PTPN14: variants seen among roughly 807,000 people sequenced by gnomAD.
The protein encoded by PTPN14 is tyrosine-protein phosphatase non-receptor type 14.
PTPN14 carries 53 observed loss-of-function variants against 126.8 expected under a neutral mutation model. The ratio of observed to expected loss-of-function variants is 0.42; its 90% CI spans 0.34 to 0.53. The LOEUF (loss-of-function observed/expected upper bound fraction) is 0.53. Among genes scored for constraint, PTPN14 ranks in the 20% least tolerant of loss-of-function variants. PTPN14 has a pLI of 0.08. For synonymous variants in PTPN14, 630 were observed against 599.3 expected, an observed-to-expected ratio of 1.05 and a Z score of -0.75; for missense variants, 1,257 against 1,552.9, an observed-to-expected ratio of 0.81 and a Z score of 3.20.
At chr1:214,547,159 T>G (rs529760210) in intron 1 of PTPN14, among the ~76,000 whole-genome samples, 2 of 152,312 alleles carry the variant, frequency 1.3e-5, no homozygotes, top group East Asian at 3.9e-4. Flanking sequence ...TTTATTTTCA[T>G]AATCAGCATG....
At chr1:214,489,407 G>A (rs1661183172) in intron 1 of PTPN14, among the ~76,000 whole-genome samples, 1 of 152,122 alleles carries the variant, frequency 6.6e-6, no homozygotes, top group Non-Finnish European at 1.5e-5. Flanking sequence ...CAAAGAGCAG[G>A]AACCATGGAA....
At chr1:214,407,909 G>C (rs1287064905) in intron 5 of PTPN14, among the ~76,000 whole-genome samples, 1 of 152,146 alleles carries the variant, frequency 6.6e-6, no homozygotes, top group East Asian at 1.9e-4. Context: ...GAAGTTTCCA[G>C]TCTCATCTGC....
chr1:214,385,585 T>G (rs1405502336), intron 12 of PTPN14, among the ~76,000 whole-genome samples: 1 of 149,962 alleles, frequency 6.7e-6, no homozygotes, highest in East Asian at 1.9e-4. Context: ...GTGTCTGGTG[T>G]TCTCTTACAC....
intron 1 of PTPN14, chr1:214,533,368 A>G: frequency 2.1e-6 from 1 of 469,656 alleles, no homozygotes; most frequent in Non-Finnish European, 4.0e-6. Flanking sequence ...TTGGTGATGG[A>G]CAGCAGCAAC....
chr1:214,489,139 A>T (rs7528800), intron 1 of PTPN14, among the ~76,000 whole-genome samples: 139,234 of 152,240 alleles, frequency 0.91, 63,785 homozygotes, highest in African/African-American at 0.97. Context: ...GCAGCTTCAA[A>T]GGACTGAGCA....
At chr1:214,452,085 T>TAC in intron 2 of PTPN14, 111 bp from the exon 3 acceptor site, 1 of 1,225,868 alleles carries the variant, frequency 8.2e-7, no homozygotes, top group Non-Finnish European at 1.1e-6. Context: ...CCCCAGCCCA[T>TAC]ATATAAGATC....
At chr1:214,410,820 T>C (rs1659291192) in intron 5 of PTPN14, among the ~76,000 whole-genome samples, 1 of 151,944 alleles carries the variant, frequency 6.6e-6, no homozygotes, top group African/African-American at 2.4e-5. Context: ...TTGTGCCTAT[T>C]TTTTTGCTAG....
chr1:214,405,328 T>C (rs1659140014), intron 5 of PTPN14, among the ~76,000 whole-genome samples: 1 of 152,198 alleles, frequency 6.6e-6, no homozygotes, highest in African/African-American at 2.4e-5. Flanking sequence ...TGTATACTCG[T>C]CTTATCCTTG....
chr1:214,393,155 A>T (rs1237578619), intron 10 of PTPN14, among the ~76,000 whole-genome samples: 1 of 152,218 alleles, frequency 6.6e-6, no homozygotes, highest in Admixed American at 6.5e-5. Flanking sequence ...TTAAAAAAAT[A>T]CACACGGATT....
rs907409830 is a variant in PTPN14 at position 214,350,972 on chromosome 1, G to A, written c.*6950C>T. ...TTTAAGGCAATGATTCTCTGACGAG[G>A]ATTAACTCTTACATCTGGGTTGCAC... On this transcript the variant is annotated 3_prime_UTR_variant, in exon 19 of 19. Transcript: ENST00000366956. The A allele has an allele frequency of 6.6e-6, 1 of 151,876 alleles. No individual in the cohort carries two copies. 9.4% of individuals were successfully genotyped at this position (151,876 alleles called of 1,614,324 possible).
At chr1:214,375,122 C>T (rs1235660652) in intron 15 of PTPN14, among the ~76,000 whole-genome samples, 2 of 152,068 alleles carry the variant, frequency 1.3e-5, no homozygotes, top group East Asian at 3.8e-4. Context: ...TTTGACAGTA[C>T]TTTCTAATTA....
chr1:214,434,609 T>C (rs1459421802), intron 3 of PTPN14, among the ~76,000 whole-genome samples: 2 of 152,144 alleles, frequency 1.3e-5, no homozygotes, highest in Admixed American at 6.5e-5. Context: ...TAATTTTTAA[T>C]ATAGAAAAAG....
intron 18 of PTPN14, among the ~76,000 whole-genome samples, chr1:214,361,335 A>ATCC (rs1297480808): frequency 3.3e-5 from 5 of 151,838 alleles, no homozygotes; most frequent in African/African-American, 7.3e-5. Flanking sequence ...CCACCACCAC[A>ATCC]TCCTCCTCCT....
rs114781725 is a variant in PTPN14 at position 214,499,086 on chromosome 1, G to C, written c.-154-34129C>G. ...TCCCAAAGTACTGGGATAAGAGATA[G>C]TAGCCATCACACCTGGCGGCCCACA... is the stretch of plus-strand genomic sequence containing the variant. On this transcript the variant is annotated intron_variant, in intron 1 of 18. Coordinates refer to ENST00000366956, the MANE Select transcript of PTPN14 (RefSeq NM_005401.5). Among the ~76,000 whole-genome samples the C allele has an allele frequency of 4.9e-4, 74 of 152,198 alleles. 1 individual carries two copies. Among genetic ancestry groups the C allele is most frequent in the African/African-American group, 1.8e-3 (73 of 41,516 alleles).
At chr1:214,526,843 G>A (rs1005879816) in intron 1 of PTPN14, among the ~76,000 whole-genome samples, 1 of 152,222 alleles carries the variant, frequency 6.6e-6, no homozygotes, top group Non-Finnish European at 1.5e-5. Flanking sequence ...TGTAATCCCA[G>A]CACTTTCGGA....
In PTPN14 at chr1:214,411,624, A is replaced by G. The variant is rs1659311144; in HGVS notation, c.510+60T>C. ...TGTAAAATCCTGAAATTTTCAAAGG[A>G]AAGAACTAAATGTCCAAAGAAGGTA... On this transcript the variant is annotated intron_variant, in intron 5 of 18. Coordinates refer to ENST00000366956, the MANE Select transcript of PTPN14 (RefSeq NM_005401.5). 4 of 1,265,202 alleles carry G rather than the reference A, an allele frequency of 3.2e-6. No homozygotes were observed. In the South Asian group the frequency reaches 5.5e-5, roughly 18 times the overall value. The allele number at this position is 1,265,202 out of a possible 1,614,324, so 78.4% of individuals were successfully genotyped here. A position where few individuals can be genotyped will look rare whatever the true frequency, so the allele number is the denominator to read the frequency against.
intron 3 of PTPN14, among the ~76,000 whole-genome samples, chr1:214,426,707 C>T (rs1439472307): frequency 3.3e-5 from 5 of 152,146 alleles, no homozygotes; most frequent in Admixed American, 2.0e-4. Flanking sequence ...AAACACACTC[C>T]TCCTTTTCAT....
At chr1:214,460,470 T>C (rs1034892289) in intron 2 of PTPN14, among the ~76,000 whole-genome samples, 2 of 133,514 alleles carry the variant, frequency 1.5e-5, no homozygotes, top group Non-Finnish European at 3.1e-5. Flanking sequence ...AAAATTCCCC[T>C]CCACACACAC....
At chr1:214,451,599 C>T (rs1172195798) in intron 3 of PTPN14, among the ~76,000 whole-genome samples, 1 of 152,184 alleles carries the variant, frequency 6.6e-6, no homozygotes, top group African/African-American at 2.4e-5. Context: ...TTACAGAAAA[C>T]TGCTGGGGTT....
Sources: allele counts gnomAD v4.1 joint callset (sites outside exome capture counted in the v4.1 genomes callset), GRCh38; gene constraint gnomAD v4.1.1; transcripts MANE v1.5; gene names NCBI Gene and HGNC (gene_info 2026-07-23, HGNC 2026-07-21).